Variants in PTPRM observed in about 807,000 individuals in gnomAD.
PTPRM encodes receptor-type tyrosine-protein phosphatase mu.
PTPRM carries 47 observed loss-of-function variants against 186.7 expected under a neutral mutation model. The observed-to-expected ratio is 0.25, with a 90% CI of 0.20 to 0.32. The LOEUF is 0.32. PTPRM is among the 10% of genes least tolerant of loss of function. The pLI, the probability that PTPRM is intolerant of heterozygous loss-of-function variation, is 1.00. For synonymous variants in PTPRM, 668 were observed against 674.9 expected (o/e 0.99, Z 0.16); for missense variants, 1,494 against 1,865.0 (o/e 0.80, Z 3.66).
intron 1 of PTPRM, among the ~76,000 whole-genome samples, chr18:7,708,212 C>A (rs2144760460): frequency 6.6e-6 from 1 of 152,162 alleles, no homozygotes; most frequent in South Asian, 2.1e-4. Context: ...ATATTGAGAG[C>A]CTTAACTGTA....
chr18:8,061,737 G>T, intron 7 of PTPRM, among the ~76,000 whole-genome samples: 1 of 109,650 alleles, frequency 9.1e-6, no homozygotes, highest in Non-Finnish European at 1.9e-5. Flanking sequence ...GGCTGGATAT[G>T]AAATTCTGGG....
At chr18:7,651,627 A>G (rs2038707274) in intron 1 of PTPRM, among the ~76,000 whole-genome samples, 1 of 151,916 alleles carries the variant, frequency 6.6e-6, no homozygotes, top group South Asian at 2.1e-4. Flanking sequence ...TCTTTGACAA[A>G]CCTGAGAAAA....
rs1346814729 is a variant in PTPRM, at chr18:7,668,183, G to A, written c.73+100292G>A. On this transcript the variant is annotated intron_variant, in intron 1 of 32. Transcript: ENST00000580170. The surrounding 1 kb of genome is among the most constrained non-coding windows in gnomAD (Gnocchi z 4.7). ...ATTTAGCAGTCCTTCTTCAAAGGGT[G>A]TGCATGGTGAGGAGCTGCACCACGG... Among the ~76,000 whole-genome samples the A allele has an allele frequency of 6.6e-6, 1 of 152,180 alleles. No individual in the cohort carries two copies. Among genetic ancestry groups the A allele is most frequent in the Non-Finnish European group, 1.5e-5 (1 of 68,046 alleles).
chr18:7,797,541 A>G (rs2145301017), intron 2 of PTPRM, among the ~76,000 whole-genome samples: 1 of 152,320 alleles, frequency 6.6e-6, no homozygotes, highest in African/African-American at 2.4e-5. Flanking sequence ...TTGAAAAGAG[A>G]TAATTTTGCA....
rs746337505 is a variant in PTPRM at position 8,069,738 on chromosome 18, A to C, written c.1185A>C (p.Gln395His). The change falls in exon 8 of 33, where the codon CAA becomes CAC. Residue 395 changes from glutamine to histidine, a missense_variant. Around this residue, in one of 3 missense-constraint regions of PTPRM, gnomAD observed 91 missense variants for 169.3 expected, o/e 0.54. Transcript: ENST00000580170. ...AAGTAGTGGAGGTCAAATCTCGGCA[A>C]ATCACTATCCGCTGGGAGCCATTTG... Reference protein sequence around the residue: ...KLEVVEVKSRQITIRWEPFGY... With the variant: ...KLEVVEVKSRHITIRWEPFGY... The C allele has an allele frequency of 1.2e-6, 2 of 1,614,014 alleles. No homozygotes were observed. Among genetic ancestry groups the C allele is most frequent in the South Asian group, 2.2e-5 (2 of 91,080 alleles).
chr18:8,041,165 A>G (rs957539383), intron 7 of PTPRM, among the ~76,000 whole-genome samples: 4 of 152,190 alleles, frequency 2.6e-5, no homozygotes, highest in Non-Finnish European at 4.4e-5. Flanking sequence ...AACAACATCT[A>G]TGCCTGGCTT....
intron 3 of PTPRM, 143 bp downstream of exon 3, chr18:7,888,520 C>T: frequency 1.0e-6 from 1 of 962,332 alleles, no homozygotes; most frequent in South Asian, 2.0e-5. Context: ...TCATCCTATA[C>T]TGTTGGTGGG....
chr18:8,247,141 G>T (rs974213182), intron 15 of PTPRM, among the ~76,000 whole-genome samples: 1 of 151,868 alleles, frequency 6.6e-6, no homozygotes, highest in South Asian at 2.1e-4. Context: ...TTCTATCAAG[G>T]CTCTGTCATC....
chr18:8,229,676 A>G (rs2094260480), intron 14 of PTPRM, among the ~76,000 whole-genome samples: 1 of 152,192 alleles, frequency 6.6e-6, no homozygotes, highest in South Asian at 2.1e-4. Context: ...GTGATCATAG[A>G]TACATGTAAT....
chr18:7,780,137 T>G (rs1276300219), intron 2 of PTPRM, among the ~76,000 whole-genome samples: 1 of 152,216 alleles, frequency 6.6e-6, no homozygotes, highest in Non-Finnish European at 1.5e-5. Context: ...CAGCACAGTA[T>G]TTTCAGATCA....
chr18:8,317,691 C>G (rs1024935791), intron 21 of PTPRM, among the ~76,000 whole-genome samples: 46 of 152,200 alleles, frequency 3.0e-4, no homozygotes, highest in Middle Eastern at 6.8e-3. Flanking sequence ...CATCATGGAA[C>G]CAGGGAAGAA....
chr18:7,577,884 G>T lies in PTPRM; in HGVS notation c.73+9993G>T, dbSNP rs141067676. ...TTTTCTTTCTAATCTTGCTCAGTAG[G>T]CAGGGGCCCCTGTGAGACAGCTGGT... On this transcript the variant is annotated intron_variant, in intron 1 of 32. Coordinates refer to ENST00000580170, the MANE Select transcript of PTPRM (RefSeq NM_001105244.2). 4.6e-5 allele frequency among the ~76,000 whole-genome samples: 7 copies of T among 152,274 alleles called. No homozygotes were observed. The East Asian group carries it at 1.4e-3, about 29-fold the overall frequency.
intron 19 of PTPRM, among the ~76,000 whole-genome samples, chr18:8,259,114 C>A: frequency 6.6e-6 from 1 of 151,984 alleles, no homozygotes; most frequent in South Asian, 2.1e-4. Context: ...ATGCCCGGCT[C>A]ATTTTTGTAT....
intron 14 of PTPRM, among the ~76,000 whole-genome samples, chr18:8,240,495 GAGAGAGGA>G (rs1217295502): frequency 1.7e-5 from 1 of 57,706 alleles, no homozygotes; most frequent in African/African-American, 9.2e-5. Flanking sequence ...GAGAGAGAGA[GAGAGAGGA>G]AGGAAGGAAG....
chr18:7,690,709 G>A (rs986513344), intron 1 of PTPRM, among the ~76,000 whole-genome samples: 1 of 152,200 alleles, frequency 6.6e-6, no homozygotes, highest in Non-Finnish European at 1.5e-5. Flanking sequence ...ATGTCTGCAA[G>A]TGATATAGTT....
At chr18:7,572,457 T>C (rs1228879128) in intron 1 of PTPRM, among the ~76,000 whole-genome samples, 8 of 152,198 alleles carry the variant, frequency 5.3e-5, no homozygotes, top group Admixed American at 5.2e-4. Context: ...CATAATTCTC[T>C]AAGGATTGTA....
chr18:7,606,463 G>C (rs938649769), intron 1 of PTPRM, among the ~76,000 whole-genome samples: 1 of 152,280 alleles, frequency 6.6e-6, no homozygotes, highest in Admixed American at 6.5e-5. Flanking sequence ...CCAGTTAGCA[G>C]AGAAGGTAAA....
At chr18:8,358,511 CT>C (rs2095577272) in intron 23 of PTPRM, among the ~76,000 whole-genome samples, 1 of 152,188 alleles carries the variant, frequency 6.6e-6, no homozygotes, top group Admixed American at 6.5e-5. Context: ...TGTTAGAAAC[CT>C]TAACCCCTTG....
intron 5 of PTPRM, among the ~76,000 whole-genome samples, chr18:7,945,484 G>A (rs2052463643): frequency 6.6e-6 from 1 of 151,710 alleles, no homozygotes; most frequent in South Asian, 2.1e-4. Context: ...AAGAGAATAT[G>A]CAGAGTCCCC....
Sources: allele counts gnomAD v4.1 joint callset (sites outside exome capture counted in the v4.1 genomes callset), GRCh38; gene constraint gnomAD v4.1.1; regional missense constraint gnomAD v4.1.1; non-coding constraint Gnocchi (gnomAD v3.1); transcripts MANE v1.5; gene names NCBI Gene and HGNC (gene_info 2026-07-23, HGNC 2026-07-21).